The following CELF2 variants were observed in gnomAD, a reference collection of about 807,000 sequenced individuals.
CELF2 encodes the protein CUG triplet repeat RNA-binding protein 2.
Under a neutral mutation model 62.6 loss-of-function variants are expected in CELF2, and 8 were observed. The observed-to-expected ratio is 0.13, with a 90% CI of 0.07 to 0.23. The LOEUF (loss-of-function observed/expected upper bound fraction) is 0.23. CELF2 is among the 10% of genes least tolerant of loss of function. CELF2 has a pLI of 1.00. For synonymous variants in CELF2, 258 were observed against 250.0 expected (o/e 1.03, Z -0.30); for missense variants, 333 against 671.0 (o/e 0.50, Z 5.56).
At chr10:11,201,880 T>C (rs1588946000) in intron 2 of CELF2, among the ~76,000 whole-genome samples, 1 of 152,190 alleles carries the variant, frequency 6.6e-6, no homozygotes, top group Admixed American at 6.5e-5. Flanking sequence ...GATTAGATTG[T>C]AGAAAGGTAT....
At chr10:10,716,997 G>A in the CELF2 span, among the ~76,000 whole-genome samples, 6 of 152,172 alleles carry the variant, frequency 3.9e-5, no homozygotes, top group South Asian at 2.1e-4. Context: ...ATGCGGGCAC[G>A]TGAATCAGTT....
chr10:10,808,347 A>T (rs1183032868), intron 1 of CELF2, among the ~76,000 whole-genome samples: 1 of 152,180 alleles, frequency 6.6e-6, no homozygotes, highest in Non-Finnish European at 1.5e-5. Context: ...TCTTTTTATT[A>T]AATAATGCTT....
upstream of CELF2, among the ~76,000 whole-genome samples, chr10:11,016,285 G>C (rs529031627): frequency 6.6e-6 from 1 of 152,286 alleles, no homozygotes; most frequent in African/African-American, 2.4e-5. This position sits in a 1 kb window ranked among gnomAD's most constrained non-coding sequence, Gnocchi z 5.2. Flanking sequence ...GAATTCACTC[G>C]ATTGCAACCA....
chr10:10,783,968 C>T, the CELF2 span, among the ~76,000 whole-genome samples: 7 of 151,450 alleles, frequency 4.6e-5, no homozygotes, highest in Admixed American at 2.6e-4. Context: ...AGCCTGGTGG[C>T]AGAGCAAGAC....
At chr10:10,975,145 T>A (rs182985562) in intron 2 of CELF2, among the ~76,000 whole-genome samples, 1 of 152,188 alleles carries the variant, frequency 6.6e-6, no homozygotes, top group Non-Finnish European at 1.5e-5. Flanking sequence ...CAAGGCACAG[T>A]CTTGCTCTGT....
chr10:10,681,074 A>C, the CELF2 span, among the ~76,000 whole-genome samples: 2 of 152,150 alleles, frequency 1.3e-5, no homozygotes, highest in Non-Finnish European at 2.9e-5. Context: ...AATGATCTAG[A>C]TATTCTTATC....
chr10:11,174,193 G>A (rs541420698), intron 2 of CELF2, among the ~76,000 whole-genome samples: 1 of 152,252 alleles, frequency 6.6e-6, no homozygotes, highest in African/African-American at 2.4e-5. Flanking sequence ...AGGAAAAAAA[G>A]GCATGTGTGA....
intron 1 of CELF2, chr10:10,919,942 CTT>C (rs1202026358): frequency 8.1e-7 from 1 of 1,228,420 alleles, no homozygotes; most frequent in African/African-American, 1.6e-5. Flanking sequence ...TCATACTTAT[CTT>C]CTTTTTCTCC....
At chr10:10,838,976 T>TAA (rs1238413443) in intron 1 of CELF2, among the ~76,000 whole-genome samples, 1 of 147,888 alleles carries the variant, frequency 6.8e-6, no homozygotes, top group African/African-American at 2.5e-5. Flanking sequence ...CCATCTCTAC[T>TAA]AAAAAAAAAA....
At chr10:10,695,651 A>G in the CELF2 span, among the ~76,000 whole-genome samples, 2 of 152,028 alleles carry the variant, frequency 1.3e-5, no homozygotes, top group African/African-American at 2.4e-5. Flanking sequence ...CACCAATCAG[A>G]CGTAGATTTG....
chr10:10,903,834 C>G (rs4750003), intron 1 of CELF2, among the ~76,000 whole-genome samples: 131,084 of 152,202 alleles, frequency 0.86, 56,545 homozygotes, highest in East Asian at 0.93. Flanking sequence ...AGTGCCCCTA[C>G]AGGACAGGAG....
intron 1 of CELF2, among the ~76,000 whole-genome samples, chr10:10,916,383 C>T (rs573164614): frequency 6.4e-4 from 97 of 152,324 alleles, no homozygotes; most frequent in South Asian, 1.5e-3. Flanking sequence ...TCATGGACAT[C>T]AAGTAATATC....
intron 2 of CELF2, among the ~76,000 whole-genome samples, chr10:11,215,824 T>G (rs2063211236): frequency 6.6e-6 from 1 of 152,224 alleles, no homozygotes; most frequent in Non-Finnish European, 1.5e-5. Context: ...AACTGGGATG[T>G]TAGTTTCCTT....
In CELF2 at chr10:11,145,060, A is replaced by G. The variant is rs921658552; in HGVS notation, c.75-20426A>G. Among the ~76,000 whole-genome samples, 1 of 152,204 alleles carries G rather than the reference A, an allele frequency of 6.6e-6. No individual in the cohort carries two copies. Among genetic ancestry groups the G allele is most frequent in the Non-Finnish European group, 1.5e-5 (1 of 68,030 alleles). ...ATATAACTAAATCCATCCACTTAGC[A>G]TAACTGTGTTCCTCCCTGTAATGCA... On this transcript the variant is annotated intron_variant, in intron 1 of 12. Transcript: ENST00000633077. This position sits in a 1 kb window ranked among gnomAD's most constrained non-coding sequence, Gnocchi z 4.3.
chr10:10,934,529 G>T lies in CELF2; in HGVS notation c.89+14530G>T, dbSNP rs1168331086. 6.6e-6 allele frequency: 1 copy of T among 152,216 alleles called. No homozygotes were observed. Among genetic ancestry groups the T allele is most frequent in the Non-Finnish European group, 1.5e-5 (1 of 68,046 alleles). The allele number at this position is 152,216 out of a possible 1,614,324, so 9.4% of individuals were successfully genotyped here. The stretch of plus-strand genomic sequence containing the variant: ...ATAGTTGATTACAGAAAATATTGGG[G>T]AAAACTAATCAATATTATTTGCTTA... On this transcript the variant is annotated intron_variant, in intron 2 of 13. Coordinates refer to the CELF2 transcript ENST00000636488. This position sits in a 1 kb window ranked among gnomAD's most constrained non-coding sequence, Gnocchi z 4.4.
the CELF2 span, among the ~76,000 whole-genome samples, chr10:10,726,491 C>G: frequency 3.9e-5 from 6 of 152,156 alleles, no homozygotes; most frequent in African/African-American, 1.4e-4. Context: ...TATCGTTCAT[C>G]GAGTCCCAAG....
chr10:11,202,713 G>A (rs974417909), intron 2 of CELF2, among the ~76,000 whole-genome samples: 1 of 152,134 alleles, frequency 6.6e-6, no homozygotes, highest in Non-Finnish European at 1.5e-5. Context: ...TCTTGTTATC[G>A]AATATAATTT....
chr10:10,755,694 C>G, the CELF2 span, among the ~76,000 whole-genome samples: 1 of 152,198 alleles, frequency 6.6e-6, no homozygotes. Flanking sequence ...CCCCCTCTTA[C>G]GATGTTATAT....
intron 1 of CELF2, among the ~76,000 whole-genome samples, chr10:10,831,189 C>T (rs1406295998): frequency 6.6e-6 from 1 of 152,204 alleles, no homozygotes; most frequent in Admixed American, 6.5e-5. Flanking sequence ...ACTTCAAGTA[C>T]GTTAGCATTA....
Sources: allele counts gnomAD v4.1 joint callset (sites outside exome capture counted in the v4.1 genomes callset), GRCh38; gene constraint gnomAD v4.1.1; non-coding constraint Gnocchi (gnomAD v3.1); transcripts MANE v1.5; gene names NCBI Gene and HGNC (gene_info 2026-07-23, HGNC 2026-07-21).